The following SLIT3 variants were observed in gnomAD, a reference collection of about 807,000 sequenced individuals.
The protein encoded by SLIT3 is slit homolog 3 protein.
A neutral mutation model predicts 184.0 loss-of-function variants in SLIT3; 68 were observed. The observed-to-expected ratio is 0.37, with a 90% confidence interval of 0.30 to 0.45. The LOEUF (loss-of-function observed/expected upper bound fraction) is 0.45, where lower values mean the gene tolerates loss of function less well. Among genes scored for constraint, SLIT3 ranks in the 20% least tolerant of loss-of-function variants. The pLI, the probability that SLIT3 is intolerant of heterozygous loss-of-function variation, is 1.00. For missense variants in SLIT3, 1,707 were observed against 2,026.0 expected, an observed-to-expected ratio of 0.84 and a Z score of 3.02; for synonymous variants, 831 against 828.6, an observed-to-expected ratio of 1.00 and a Z score of -0.05.
chr5:169,217,406 C>A (rs17667992), intron 3 of SLIT3, among the ~76,000 whole-genome samples: 9,290 of 152,230 alleles, frequency 0.061, 385 homozygotes, highest in Middle Eastern at 0.1. Context: ...AAGTACGTGG[C>A]AATCCCAGGG....
At chr5:169,163,047 G>A (rs1434610127) in intron 4 of SLIT3, among the ~76,000 whole-genome samples, 1 of 152,092 alleles carries the variant, frequency 6.6e-6, no homozygotes, top group Non-Finnish European at 1.5e-5. Context: ...AAGGGGCTGG[G>A]CACGGTGGCT....
At chr5:168,908,603 G>T (rs1376499879) in intron 4 of SLIT3, among the ~76,000 whole-genome samples, 1 of 152,120 alleles carries the variant, frequency 6.6e-6, no homozygotes, top group Non-Finnish European at 1.5e-5. Flanking sequence ...ACTTCTCCCT[G>T]CTTTTAAGAC....
intron 5 of SLIT3, among the ~76,000 whole-genome samples, chr5:168,856,550 AG>A (rs1561970469): frequency 6.6e-6 from 1 of 152,098 alleles, no homozygotes; most frequent in Non-Finnish European, 1.5e-5. Flanking sequence ...CTCAAGATTC[AG>A]GGGGGAAAAT....
intron 4 of SLIT3, among the ~76,000 whole-genome samples, chr5:169,104,693 G>A (rs1034547239): frequency 1.2e-4 from 18 of 152,234 alleles, no homozygotes; most frequent in Admixed American, 3.9e-4. Context: ...GGAGAGGGGC[G>A]CTTCGTGGAT....
chr5:168,800,588 AAAAAAAAG>A (rs1048489231), intron 9 of SLIT3, among the ~76,000 whole-genome samples: 2 of 146,090 alleles, frequency 1.4e-5, no homozygotes, highest in African/African-American at 2.5e-5. Flanking sequence ...ATTCTGTCTC[AAAAAAAAG>A]AAAGAAAGAA....
chr5:168,729,576 T>C (rs62378467), intron 20 of SLIT3, among the ~76,000 whole-genome samples: 25,831 of 151,838 alleles, frequency 0.17, 2,771 homozygotes, highest in East Asian at 0.41. Context: ...ATAAAGTCCT[T>C]CCCTGACAAG....
chr5:168,826,139 T>C (rs1173576233), intron 6 of SLIT3, among the ~76,000 whole-genome samples: 2 of 152,248 alleles, frequency 1.3e-5, no homozygotes, highest in Admixed American at 1.3e-4. Context: ...CATCCGGCAG[T>C]AGTCCAGCAG....
At chr5:169,117,600 G>A (rs1157651855) in intron 4 of SLIT3, among the ~76,000 whole-genome samples, 1 of 152,186 alleles carries the variant, frequency 6.6e-6, no homozygotes, top group Admixed American at 6.5e-5. Flanking sequence ...AGTTTGATGT[G>A]GGGAAGAGGA....
At chr5:168,750,559 A>G (rs1754660211) in intron 18 of SLIT3, among the ~76,000 whole-genome samples, 1 of 152,082 alleles carries the variant, frequency 6.6e-6, no homozygotes, top group Admixed American at 6.5e-5. Context: ...AAGCGGGGCA[A>G]GTTACTTCAT....
chr5:168,908,939 T>C (rs1761167346), intron 4 of SLIT3, among the ~76,000 whole-genome samples: 1 of 152,166 alleles, frequency 6.6e-6, no homozygotes, highest in Non-Finnish European at 1.5e-5. Context: ...TGAAAAATGC[T>C]CATAATGCCT....
chr5:168,782,256 C>A (rs936959792), intron 12 of SLIT3, among the ~76,000 whole-genome samples: 5 of 152,166 alleles, frequency 3.3e-5, no homozygotes, highest in African/African-American at 1.2e-4. Flanking sequence ...TTTAAGACCA[C>A]CTGGAGCGGG....
intron 15 of SLIT3, among the ~76,000 whole-genome samples, chr5:168,761,156 C>A (rs918364020): frequency 6.6e-6 from 1 of 152,178 alleles, no homozygotes; most frequent in African/African-American, 2.4e-5. Flanking sequence ...CCTCCTTCGG[C>A]TGGGGTTTAG....
At chr5:169,086,721 AAG>A (rs1759316545) in intron 4 of SLIT3, among the ~76,000 whole-genome samples, 1 of 152,198 alleles carries the variant, frequency 6.6e-6, no homozygotes, top group South Asian at 2.1e-4. Flanking sequence ...AACGTGGGTC[AAG>A]AGTCTTAAGA....
intron 4 of SLIT3, among the ~76,000 whole-genome samples, chr5:169,163,594 GA>G (rs539573984): frequency 1.3e-5 from 2 of 152,016 alleles, no homozygotes; most frequent in African/African-American, 4.8e-5. Context: ...TTATATGTGT[GA>G]AAAAAATGAC....
chr5:168,931,106 A>C (rs1040348774), intron 4 of SLIT3, among the ~76,000 whole-genome samples: 6 of 152,136 alleles, frequency 3.9e-5, no homozygotes, highest in Non-Finnish European at 7.3e-5. Flanking sequence ...GACTCTCTCT[A>C]ATTGTCTTAT....
chr5:169,271,033 G>A (rs1244431504), intron 1 of SLIT3, among the ~76,000 whole-genome samples: 2 of 152,100 alleles, frequency 1.3e-5, no homozygotes, highest in Non-Finnish European at 1.5e-5. Context: ...AACTCCAGGG[G>A]GCATCGTTCA....
chr5:169,064,024 A>C (rs1246948464), intron 4 of SLIT3, among the ~76,000 whole-genome samples: 1 of 152,230 alleles, frequency 6.6e-6, no homozygotes, highest in Non-Finnish European at 1.5e-5. Context: ...GGTTAATATG[A>C]TGTAATTAGC....
At chr5:169,112,997 A>G (rs1561672882) in intron 4 of SLIT3, among the ~76,000 whole-genome samples, 1 of 152,070 alleles carries the variant, frequency 6.6e-6, no homozygotes, top group Non-Finnish European at 1.5e-5. Context: ...CCTATCACCC[A>G]TCTATTTGTA....
chr5:169,212,021 T>C (rs540906069), intron 3 of SLIT3, among the ~76,000 whole-genome samples: 4 of 152,362 alleles, frequency 2.6e-5, no homozygotes, highest in East Asian at 1.9e-4. Flanking sequence ...CAGTGTATCA[T>C]TGATGGATAT....
Sources: gnomAD v4.1 joint callset for allele counts (sites outside exome capture counted in the v4.1 genomes callset) on GRCh38, gnomAD v4.1.1 for gene constraint, MANE v1.5 for transcripts, NCBI Gene and HGNC (gene_info 2026-07-23, HGNC 2026-07-21) for gene names.